The following GLYR1 variants were observed in gnomAD, a reference collection of about 807,000 sequenced individuals.
GLYR1 encodes glyoxylate reductase 1 homolog.
A neutral mutation model predicts 72.7 loss-of-function variants in GLYR1; 21 were observed. The observed-to-expected ratio is 0.29, with a 90% confidence interval of 0.20 to 0.42. The LOEUF is 0.42. GLYR1 is among the 10% of genes least tolerant of loss of function. The pLI is 1.00. For missense variants in GLYR1, 594 were observed against 712.1 expected, an observed-to-expected ratio of 0.83 and a Z score of 1.89; for synonymous variants, 392 against 270.2, an observed-to-expected ratio of 1.45 and a Z score of -4.42.
chr16:4,812,269 T>A (rs750042018), intron 12 of GLYR1, 21 bp from the exon 13 acceptor site: 2 of 1,606,506 alleles, frequency 1.2e-6, no homozygotes, highest in South Asian at 2.2e-5. Flanking sequence ...AAGTCACAGC[T>A]TCTGGAGGCC....
At chr16:4,817,795 G>A in intron 9 of GLYR1, 98 bp from the exon 10 acceptor site, 2 of 776,596 alleles carry the variant, frequency 2.6e-6, no homozygotes, top group Non-Finnish European at 4.5e-6. Flanking sequence ...ATACAGCTTG[G>A]GGTAGGGGAA....
intron 5 of GLYR1, among the ~76,000 whole-genome samples, chr16:4,830,907 T>C (rs75256268): frequency 0.11 from 17,482 of 152,058 alleles, 1,290 homozygotes; most frequent in South Asian, 0.26. Flanking sequence ...ACAAACCCAT[T>C]CCACTGCCCG....
At chr16:4,834,977 G>C (rs1250256002) in intron 3 of GLYR1, among the ~76,000 whole-genome samples, 1 of 152,106 alleles carries the variant, frequency 6.6e-6, no homozygotes, top group Non-Finnish European at 1.5e-5. Context: ...AGCCAGTGAA[G>C]CTACCATACT....
chr16:4,844,834 T>C (rs773261135), intron 3 of GLYR1, among the ~76,000 whole-genome samples: 10 of 152,338 alleles, frequency 6.6e-5, no homozygotes, highest in Admixed American at 5.9e-4. Flanking sequence ...GTGATTGTTA[T>C]AGTTAGAAGG....
intron 3 of GLYR1, among the ~76,000 whole-genome samples, chr16:4,842,348 C>T (rs1302404494): frequency 2.0e-5 from 3 of 151,930 alleles, no homozygotes; most frequent in Admixed American, 1.3e-4. Flanking sequence ...TCTCCCTCTT[C>T]TAGAATTCTT....
intron 5 of GLYR1, among the ~76,000 whole-genome samples, chr16:4,828,404 G>T (rs1409208661): frequency 6.6e-6 from 1 of 152,062 alleles, no homozygotes; most frequent in African/African-American, 2.4e-5. Flanking sequence ...TATTGCTATT[G>T]TACCACTTAA....
intron 5 of GLYR1, among the ~76,000 whole-genome samples, chr16:4,831,446 C>A (rs148359803): frequency 1.3e-5 from 2 of 152,140 alleles, no homozygotes; most frequent in Admixed American, 1.3e-4. Flanking sequence ...TCCTTTTTCT[C>A]GGCTTTCCTC....
At chr16:4,808,830 G>A (rs1429692967) in intron 15 of GLYR1, among the ~76,000 whole-genome samples, 1 of 151,886 alleles carries the variant, frequency 6.6e-6, no homozygotes, top group Non-Finnish European at 1.5e-5. Flanking sequence ...GTTGGATACA[G>A]TTGTGCACGC....
intron 10 of GLYR1, 84 bp downstream of exon 10, chr16:4,817,514 C>A: frequency 1.2e-6 from 1 of 810,030 alleles, no homozygotes; most frequent in South Asian, 1.5e-5. Context: ...GCACGCAGAA[C>A]GCTGAGACAA....
At position 4,822,859 on chromosome 16, in the gene GLYR1, C is replaced by T; in HGVS notation, c.681+16G>A. 1 of 1,612,798 alleles carries T rather than the reference C, an allele frequency of 6.2e-7. No homozygotes were observed. Among genetic ancestry groups the T allele is most frequent in the Non-Finnish European group, 8.5e-7 (1 of 1,178,748 alleles). Reference sequence around the variant, plus strand: ...CAGCCCCTGACCAAGGGCCAAGAGCCTCAAAGGCAACTCACCTTCTCTGTT... The same window carrying T: ...CAGCCCCTGACCAAGGGCCAAGAGCTTCAAAGGCAACTCACCTTCTCTGTT... On this transcript the variant is annotated intron_variant, in intron 7 of 15. Coordinates refer to ENST00000321919, the MANE Select transcript of GLYR1 (RefSeq NM_032569.4).
chr16:4,827,605 A>G (rs973263857), intron 5 of GLYR1, among the ~76,000 whole-genome samples: 9 of 152,004 alleles, frequency 5.9e-5, no homozygotes, highest in African/African-American at 2.2e-4. Context: ...ACAAACAAAC[A>G]AACAAAAAAA....
At position 4,811,298 on chromosome 16, in the gene GLYR1, A is replaced by G; in HGVS notation, c.1463-4T>C. On this transcript the variant is annotated splice_polypyrimidine_tract_variant and splice_region_variant and intron_variant, in intron 14 of 15. Coordinates refer to ENST00000321919, the MANE Select transcript of GLYR1 (RefSeq NM_032569.4). ...TTAAAGTTTCCTTGCAGGATATCTG[A>G]GGAGAAAAAGCCAGTATCAGACAAA... is the stretch of plus-strand genomic sequence containing the variant. 6.2e-7 allele frequency: 1 copy of G among 1,613,338 alleles called. No individual in the cohort carries two copies. The highest frequency in any genetic ancestry group is 2.2e-5 in the East Asian group (1 of 44,868).
At chr16:4,813,262 C>G (rs963996113) in intron 12 of GLYR1, among the ~76,000 whole-genome samples, 2 of 152,340 alleles carry the variant, frequency 1.3e-5, no homozygotes, top group Non-Finnish European at 1.5e-5. Flanking sequence ...CGCGCCCGGA[C>G]TGGAATTTCT....
chr16:4,810,891 G>C (rs2083290096), intron 15 of GLYR1, among the ~76,000 whole-genome samples: 1 of 151,610 alleles, frequency 6.6e-6, no homozygotes, highest in Admixed American at 6.6e-5. Flanking sequence ...GATCACCTGA[G>C]GTCAGGAGTT....
At chr16:4,817,515 G>A (rs1459679258) in intron 10 of GLYR1, 83 bp downstream of exon 10, 9 of 815,080 alleles carry the variant, frequency 1.1e-5, no homozygotes, top group Admixed American at 9.6e-5. Flanking sequence ...CACGCAGAAC[G>A]CTGAGACAAC....
At chr16:4,814,209 T>G (rs768114827) in intron 11 of GLYR1, among the ~76,000 whole-genome samples, 1 of 152,188 alleles carries the variant, frequency 6.6e-6, no homozygotes, top group Non-Finnish European at 1.5e-5. Context: ...ACAAATACAG[T>G]GACAGCTAAA....
intron 5 of GLYR1, among the ~76,000 whole-genome samples, chr16:4,829,661 T>C (rs1351365229): frequency 6.6e-6 from 1 of 150,618 alleles, no homozygotes; most frequent in Non-Finnish European, 1.5e-5. Flanking sequence ...TAATTTTTAA[T>C]TCATTTATAT....
In GLYR1 at chr16:4,806,067, C is replaced by CT. The variant is rs1290818187; in HGVS notation, c.1588-758dup. On this transcript the variant is annotated intron_variant, in intron 15 of 15. Transcript: ENST00000321919. Reference sequence around the variant, plus strand: ...AGGGCAGATGAAACACCCAGGACACCTATACCTCAGAGTGAGAGTTCTCAC... The same window carrying CT: ...AGGGCAGATGAAACACCCAGGACACCTTATACCTCAGAGTGAGAGTTCTCAC... 2.6e-5 allele frequency among the ~76,000 whole-genome samples: 4 copies of CT among 152,196 alleles called. 1 individual carries two copies. The highest frequency in any genetic ancestry group is 5.9e-5 in the Non-Finnish European group (4 of 68,030).
chr16:4,815,112 C>CT lies in GLYR1; in HGVS notation c.907-466dup, dbSNP rs111782324. ...GTGCCTAAAAACACTACCATTTTGG[C>CT]TTTTTTTTTTTGAGACAAGGTTTTG... On this transcript the variant is annotated intron_variant, in intron 10 of 15. Coordinates refer to ENST00000321919, the MANE Select transcript of GLYR1 (RefSeq NM_032569.4). 3.6e-3 allele frequency among the ~76,000 whole-genome samples: 521 copies of CT among 144,920 alleles called. 3 individuals are homozygous for CT. The highest frequency in any genetic ancestry group is 0.011 in the African/African-American group (437 of 39,772).
Sources: gnomAD v4.1 joint callset for allele counts (sites outside exome capture counted in the v4.1 genomes callset) on GRCh38, gnomAD v4.1.1 for gene constraint, MANE v1.5 for transcripts, NCBI Gene and HGNC (gene_info 2026-07-23, HGNC 2026-07-21) for gene names.